The following ACYP2 variants were observed in gnomAD, a reference collection of about 807,000 sequenced individuals.
The protein encoded by ACYP2 is acylphosphatase 2.
ACYP2 carries 12 observed loss-of-function variants against 11.2 expected under a neutral mutation model. That is an observed-to-expected ratio of 1.08 (90% CI 0.69 to 1.74). The LOEUF (loss-of-function observed/expected upper bound fraction) is 1.74, where lower values mean the gene tolerates loss of function less well. Among genes scored for constraint, ACYP2 ranks in the 40% most tolerant of loss-of-function variants. The pLI, the probability that ACYP2 is intolerant of heterozygous loss-of-function variation, is 0.00. For missense variants in ACYP2, 134 were observed against 101.9 expected (o/e 1.31, Z -1.35); for synonymous variants, 43 against 32.2 (o/e 1.33, Z -1.13).
chr2:54,072,911 A>T (rs984961862), intron 4 of ACYP2, among the ~76,000 whole-genome samples: 3 of 152,148 alleles, frequency 2.0e-5, no homozygotes, highest in Non-Finnish European at 4.4e-5. Context: ...TTCTAAATTC[A>T]TATGGAAATG....
chr2:54,213,676 T>A (rs1176521801), intron 6 of ACYP2, among the ~76,000 whole-genome samples: 2 of 152,198 alleles, frequency 1.3e-5, no homozygotes, highest in Non-Finnish European at 2.9e-5. Context: ...TAATGATTAG[T>A]GATGTTGAGC....
rs1672826299 is a variant in ACYP2, at chr2:54,002,012, A to T, written c.62+28202A>T. Reference sequence around the variant, plus strand: ...AATGAACCTACATTGACCCATCATTATCACCCAAAGTCCATAGTTTACATT... The same window carrying T: ...AATGAACCTACATTGACCCATCATTTTCACCCAAAGTCCATAGTTTACATT... On this transcript the variant is annotated intron_variant, in intron 2 of 6. Coordinates refer to ENST00000607452, the MANE Select transcript of ACYP2 (RefSeq NM_001320586.2). Among the ~76,000 whole-genome samples, 3 of 152,356 alleles carry T rather than the reference A, an allele frequency of 2.0e-5. No homozygotes were observed. In the South Asian group the frequency reaches 6.2e-4, roughly 32 times the overall value.
intron 4 of ACYP2, among the ~76,000 whole-genome samples, chr2:54,064,481 T>A (rs550099297): frequency 6.6e-6 from 1 of 152,308 alleles, no homozygotes; most frequent in South Asian, 2.1e-4. Context: ...TAAATTTCTT[T>A]CTTGTCTGAA....
chr2:54,282,616 C>G lies in ACYP2; in HGVS notation c.405-22072C>G, dbSNP rs187484119. ...ATTTGTTTTTGTTCTATTGCTTGCT[C>G]TTACATGGTTAGCCAACTACAATGA... On this transcript the variant is annotated intron_variant, in intron 6 of 6. Transcript: ENST00000607452. Among the ~76,000 whole-genome samples, 443 of 152,258 alleles carry G rather than the reference C, an allele frequency of 2.9e-3. 3 individuals carry two copies. The highest frequency in any genetic ancestry group is 0.01 in the African/African-American group (429 of 41,532).
At chr2:54,095,459 G>A (rs1236057688) in intron 4 of ACYP2, among the ~76,000 whole-genome samples, 7 of 152,060 alleles carry the variant, frequency 4.6e-5, no homozygotes, top group East Asian at 1.9e-4. Flanking sequence ...CAGTAGGGGC[G>A]GCCGGGCAGA....
At chr2:54,020,278 A>C (rs1228952912) in intron 2 of ACYP2, among the ~76,000 whole-genome samples, 3 of 152,210 alleles carry the variant, frequency 2.0e-5, no homozygotes, top group Admixed American at 6.5e-5. Context: ...CTGCTGATTG[A>C]ATTAATAAAA....
chr2:53,991,625 G>C (rs28760371), intron 2 of ACYP2, among the ~76,000 whole-genome samples: 1 of 151,888 alleles, frequency 6.6e-6, no homozygotes, highest in Non-Finnish European at 1.5e-5. Flanking sequence ...GGTTGGTGTC[G>C]AACTCCCGAC....
chr2:54,064,849 GC>G (rs1558503775), intron 4 of ACYP2, among the ~76,000 whole-genome samples: 4 of 152,148 alleles, frequency 2.6e-5, no homozygotes. Flanking sequence ...ACTTTGGGAG[GC>G]CGAAGCGGGC....
chr2:54,186,152 AAG>A (rs1683983580), intron 6 of ACYP2, among the ~76,000 whole-genome samples: 1 of 152,152 alleles, frequency 6.6e-6, no homozygotes, highest in Non-Finnish European at 1.5e-5. Flanking sequence ...AAAGATTAAA[AAG>A]AATGCTAGCA....
At chr2:54,126,075 C>T (rs905990023) in intron 4 of ACYP2, among the ~76,000 whole-genome samples, 22 of 151,446 alleles carry the variant, frequency 1.5e-4, no homozygotes, top group Middle Eastern at 3.4e-3. Context: ...AGAGAGACTC[C>T]GACTCAAAAA....
In ACYP2 at chr2:54,039,324, A is replaced by G. The variant is rs557730470; in HGVS notation, c.63-11634A>G. Among the ~76,000 whole-genome samples, 3 of 136,824 alleles carry G rather than the reference A, an allele frequency of 2.2e-5. 1 individual carries two copies. Among genetic ancestry groups the G allele is most frequent in the African/African-American group, 8.4e-5 (3 of 35,830 alleles). 89.8% of individuals were successfully genotyped at this position (136,824 alleles called of 152,430 possible). A position where few individuals can be genotyped will look rare whatever the true frequency, so the allele number is the denominator to read the frequency against. On this transcript the variant is annotated intron_variant, in intron 2 of 6. Transcript: ENST00000607452. ...TTTTGGCGGGGGGGGACAGGGTCCCACTCTGTGGCCCAGGCTGGAGGGCAG... is the reference window on the plus strand; with the variant it reads ...TTTTGGCGGGGGGGGACAGGGTCCCGCTCTGTGGCCCAGGCTGGAGGGCAG...
intron 6 of ACYP2, among the ~76,000 whole-genome samples, chr2:54,151,598 T>C (rs143899661): frequency 8.5e-4 from 129 of 152,336 alleles, no homozygotes; most frequent in African/African-American, 2.8e-3. Context: ...TTTAGTCTAA[T>C]TGATATAAAT....
At chr2:54,110,869 A>G (rs2103717610) in intron 4 of ACYP2, among the ~76,000 whole-genome samples, 1 of 152,138 alleles carries the variant, frequency 6.6e-6, no homozygotes, top group Non-Finnish European at 1.5e-5. Context: ...AGGAAAGGAA[A>G]GAGGAAAGGC....
chr2:54,276,565 A>C (rs747347506), intron 6 of ACYP2, among the ~76,000 whole-genome samples: 96 of 150,162 alleles, frequency 6.4e-4, no homozygotes, highest in South Asian at 1.1e-3. Context: ...AATGACTTTG[A>C]CTTTGATCAT....
chr2:54,018,076 G>A (rs559709223), intron 2 of ACYP2, among the ~76,000 whole-genome samples: 55 of 152,244 alleles, frequency 3.6e-4, no homozygotes, highest in African/African-American at 1.3e-3. Flanking sequence ...TCTACTGAAC[G>A]TGGGGAGACG....
chr2:54,271,280 T>C (rs1688287877), intron 6 of ACYP2, among the ~76,000 whole-genome samples: 1 of 152,226 alleles, frequency 6.6e-6, no homozygotes, highest in Non-Finnish European at 1.5e-5. Flanking sequence ...AATGTAGGCA[T>C]AGTTTCTATA....
At chr2:54,240,283 T>C in intron 6 of ACYP2, among the ~76,000 whole-genome samples, 1 of 152,188 alleles carries the variant, frequency 6.6e-6, no homozygotes, top group Non-Finnish European at 1.5e-5. Flanking sequence ...AAGAAGGGAA[T>C]AATGAATAAA....
intron 4 of ACYP2, among the ~76,000 whole-genome samples, chr2:54,070,091 A>G (rs192432384): frequency 6.6e-6 from 1 of 151,892 alleles, no homozygotes; most frequent in Admixed American, 6.6e-5. Flanking sequence ...ACCAACATGG[A>G]AAAACCTCGT....
At chr2:54,037,695 A>G (rs945350286) in intron 2 of ACYP2, among the ~76,000 whole-genome samples, 1 of 152,226 alleles carries the variant, frequency 6.6e-6, no homozygotes, top group Non-Finnish European at 1.5e-5. Flanking sequence ...GGGGTGAGCC[A>G]TAATGCCCGG....
Sources: allele counts gnomAD v4.1 joint callset (sites outside exome capture counted in the v4.1 genomes callset), GRCh38; gene constraint gnomAD v4.1.1; transcripts MANE v1.5; gene names NCBI Gene and HGNC (gene_info 2026-07-23, HGNC 2026-07-21).